Variants in CCDC169 observed in about 807,000 individuals in gnomAD.
CCDC169 encodes coiled-coil domain-containing protein 169.
In CCDC169, 30 loss-of-function variants were observed where a neutral mutation model predicts 36.0. The ratio of observed to expected loss-of-function variants is 0.83; its 90% CI spans 0.62 to 1.13. The LOEUF (loss-of-function observed/expected upper bound fraction) is 1.13, where lower values mean the gene tolerates loss of function less well. Ranked by LOEUF, CCDC169 falls within the 50% of genes most tolerant of loss-of-function variation. CCDC169 has a pLI of 0.00. For synonymous variants in CCDC169, 85 were observed against 81.5 expected, an observed-to-expected ratio of 1.04 and a Z score of -0.23; for missense variants, 245 against 245.9, an observed-to-expected ratio of 1.00 and a Z score of 0.03.
chr13:36,286,538 C>A (rs1878276956), intron 2 of CCDC169, among the ~76,000 whole-genome samples: 1 of 152,116 alleles, frequency 6.6e-6, no homozygotes, highest in African/African-American at 2.4e-5. Context: ...AGCCCCTTAA[C>A]CAGGGATTTG....
At chr13:36,291,987 T>G (rs572670515) in intron 2 of CCDC169, among the ~76,000 whole-genome samples, 261 of 143,664 alleles carry the variant, frequency 1.8e-3, no homozygotes, top group African/African-American at 6.0e-3. Context: ...TCAATAAGTC[T>G]TCTTTTTTTT....
rs868484213 is a variant in CCDC169 at position 36,253,831 on chromosome 13, C to T, written c.440G>A (p.Arg147His). Residue 147 changes from arginine to histidine, a missense_variant, in exon 6 of 8, where the codon CGC becomes CAC. By Grantham distance (29) the Arg-to-His change is conservative. Transcript: ENST00000239859. ...SKAYQKINNE[R>H]RTYLAEMSQG... Reference sequence around the variant, plus strand: ...AGACATTTCAGCTAGGTATGTACGGCGTTCATTGTTGATCTTCTGGTAAGC... The same window carrying T: ...AGACATTTCAGCTAGGTATGTACGGTGTTCATTGTTGATCTTCTGGTAAGC... 15 of 1,550,966 alleles carry T rather than the reference C, an allele frequency of 9.7e-6. No homozygotes were observed. The Admixed American group carries it at 2.4e-4, about 24-fold the overall frequency.
intron 4 of CCDC169, among the ~76,000 whole-genome samples, chr13:36,258,620 T>C (rs530072368): frequency 6.6e-6 from 1 of 152,276 alleles, no homozygotes; most frequent in South Asian, 2.1e-4. Context: ...ATCAGGAATT[T>C]ACCTGTCTAA....
chr13:36,294,687 G>A (rs183939263), intron 2 of CCDC169, among the ~76,000 whole-genome samples: 7 of 152,156 alleles, frequency 4.6e-5, no homozygotes, highest in East Asian at 1.9e-4. Flanking sequence ...TGAGCTCCCC[G>A]AGTAAGCAAT....
downstream of CCDC169, among the ~76,000 whole-genome samples, chr13:36,229,748 G>A (rs910267578): frequency 1.3e-5 from 2 of 151,850 alleles, no homozygotes; most frequent in Non-Finnish European, 1.5e-5. Flanking sequence ...TTGCCATGTT[G>A]GCCAGGCTGG....
intron 4 of CCDC169, among the ~76,000 whole-genome samples, chr13:36,276,864 T>TA (rs753043576): frequency 2.0e-5 from 3 of 152,270 alleles, no homozygotes; most frequent in Middle Eastern, 3.4e-3. Context: ...CTGTTGATCT[T>TA]AAGTTGTGCT....
chr13:36,250,830 A>G (rs1280416665), intron 6 of CCDC169, among the ~76,000 whole-genome samples: 1 of 152,188 alleles, frequency 6.6e-6, no homozygotes, highest in African/African-American at 2.4e-5. Context: ...AGGAAAAGAG[A>G]ATAAGAGGCA....
chr13:36,244,278 C>G lies in CCDC169; in HGVS notation c.545+4328G>C, dbSNP rs1054676399. ...CAAATGAAAAGAATGATTCACTGTG[C>G]CTATGCTGTTTGTACAAACAATGTG... On this transcript the variant is annotated intron_variant, in intron 7 of 7. Coordinates refer to ENST00000239859, the MANE Select transcript of CCDC169 (RefSeq NM_001144981.3). Among the ~76,000 whole-genome samples, 5 of 152,168 alleles carry G rather than the reference C, an allele frequency of 3.3e-5. No individual in the cohort carries two copies. The East Asian group carries it at 9.6e-4, about 29-fold the overall frequency.
At chr13:36,246,551 G>C (rs1446328143) in intron 7 of CCDC169, among the ~76,000 whole-genome samples, 2 of 152,228 alleles carry the variant, frequency 1.3e-5, no homozygotes, top group Non-Finnish European at 2.9e-5. Flanking sequence ...GCCAGCAGAG[G>C]ATGGTTCATG....
At chr13:36,278,732 T>A (rs1192171860) in intron 4 of CCDC169, among the ~76,000 whole-genome samples, 1 of 152,134 alleles carries the variant, frequency 6.6e-6, no homozygotes, top group Non-Finnish European at 1.5e-5. Flanking sequence ...AATTCTATTT[T>A]TCAGACTGCA....
Position 36,285,614 on chromosome 13 carries a change from G to GATAGATAGATAGATACATAC in CCDC169, c.164-1913_164-1912insGTATGTATCTATCTATCTAT, listed in dbSNP as rs568184993. On this transcript the variant is annotated intron_variant, in intron 2 of 7. Coordinates refer to ENST00000239859, the MANE Select transcript of CCDC169 (RefSeq NM_001144981.3). ...AGATAGATAGATAGATAGATAGATA[G>GATAGATAGATAGATACATAC]ATAGATACATAGATACATAGATACA... is the stretch of plus-strand genomic sequence containing the variant. Among the ~76,000 whole-genome samples, 231 of 138,166 alleles carry GATAGATAGATAGATACATAC rather than the reference G, an allele frequency of 1.7e-3. 1 individual carries two copies. Among genetic ancestry groups the GATAGATAGATAGATACATAC allele is most frequent in the East Asian group, 5.1e-3 (24 of 4,738 alleles). The allele number at this position is 138,166 out of a possible 152,430, so 90.6% of individuals were successfully genotyped here. A position where few individuals can be genotyped will look rare whatever the true frequency, so the allele number is the denominator to read the frequency against.
chr13:36,258,332 T>C (rs1364279384), intron 4 of CCDC169, among the ~76,000 whole-genome samples: 3 of 152,108 alleles, frequency 2.0e-5, no homozygotes, highest in Non-Finnish European at 4.4e-5. Context: ...CAACTCCATC[T>C]TGAATAGAGG....
intron 6 of CCDC169, among the ~76,000 whole-genome samples, chr13:36,253,245 G>C (rs974137768): frequency 2.0e-5 from 3 of 152,134 alleles, no homozygotes; most frequent in Non-Finnish European, 4.4e-5. Context: ...CTACCTGTTT[G>C]AATTCTAGTG....
chr13:36,250,592 CAG>C (rs1379719397), intron 6 of CCDC169, among the ~76,000 whole-genome samples: 2 of 152,122 alleles, frequency 1.3e-5, no homozygotes, highest in Non-Finnish European at 2.9e-5. Context: ...TGAACAATAA[CAG>C]AATTGTCCAA....
downstream of CCDC169, chr13:36,225,579 A>T (rs575594464): frequency 4.6e-5 from 7 of 152,174 alleles, no homozygotes; most frequent in Non-Finnish European, 1.0e-4. Context: ...TGCAACCAAA[A>T]CAAAAACTGA....
chr13:36,235,305 C>G (rs191149286), intron 7 of CCDC169, among the ~76,000 whole-genome samples: 2 of 151,902 alleles, frequency 1.3e-5, no homozygotes, highest in African/African-American at 4.8e-5. Flanking sequence ...TAGGAGAGAA[C>G]ACCTTCCAAC....
intron 2 of CCDC169, among the ~76,000 whole-genome samples, chr13:36,286,747 A>T (rs911017597): frequency 6.6e-6 from 1 of 152,032 alleles, no homozygotes; most frequent in Non-Finnish European, 1.5e-5. Context: ...TTGACTGGTG[A>T]CTTGAGGAAA....
chr13:36,253,579 A>G (rs890152133), intron 6 of CCDC169, among the ~76,000 whole-genome samples: 7 of 151,914 alleles, frequency 4.6e-5, no homozygotes, highest in Non-Finnish European at 7.4e-5. Context: ...TCGTGATCCG[A>G]CCACCTCAGC....
chr13:36,271,262 G>T (rs1320160201), intron 4 of CCDC169, among the ~76,000 whole-genome samples: 1 of 152,130 alleles, frequency 6.6e-6, no homozygotes, highest in Non-Finnish European at 1.5e-5. Context: ...AAAAATAGAT[G>T]TTGGCATGGA....
Sources: gnomAD v4.1 joint callset for allele counts (sites outside exome capture counted in the v4.1 genomes callset) on GRCh38, gnomAD v4.1.1 for gene constraint, MANE v1.5 for transcripts, NCBI Gene and HGNC (gene_info 2026-07-23, HGNC 2026-07-21) for gene names.